Variants in TFIP11 observed in about 807,000 individuals in gnomAD.
TFIP11 encodes the protein tuftelin-interacting protein 11.
Under a neutral mutation model 96.8 loss-of-function variants are expected in TFIP11, and 86 were observed. The ratio of observed to expected loss-of-function variants is 0.89; its 90% CI spans 0.75 to 1.06. The LOEUF is 1.06. TFIP11 is among the 50% of genes least tolerant of loss of function. The probability of loss-of-function intolerance (pLI) is 0.00; values close to 1 mark genes in which losing one functional copy is unlikely to be tolerated. For missense variants in TFIP11, 881 were observed against 1,076.7 expected (o/e 0.82, Z 2.54); for synonymous variants, 405 against 395.2 (o/e 1.02, Z -0.29).
In TFIP11 at chr22:26,496,218, G is replaced by A. The variant is rs1212645585; in HGVS notation, c.1704C>T (p.Ser568=). ...CGCTGGACAGCTTACTACGGATGGG[G>A]GAATAGAGTGGCTCCAGCCGTGCCT... The part of the protein sequence containing the change: ...LMQARLEPLY[S]PIRSKLSSAL... The change falls in exon 12 of 15, where the codon TCC becomes TCT. Residue 568 remains serine (S), a synonymous_variant. Coordinates refer to ENST00000407690, the MANE Select transcript of TFIP11 (RefSeq NM_012143.4). The A allele has an allele frequency of 1.2e-6, 2 of 1,613,944 alleles. No homozygotes were observed. The highest frequency in any genetic ancestry group is 1.1e-5 in the South Asian group (1 of 91,048).
chr22:26,502,164 C>T, intron 7 of TFIP11, 112 bp from the exon 8 acceptor site: 2 of 1,365,140 alleles, frequency 1.5e-6, no homozygotes, highest in African/African-American at 1.4e-5. Flanking sequence ...GATTTATTTA[C>T]AAGCTCTATA....
Position 26,510,216 on chromosome 22 carries a change from GTCA to G in TFIP11, c.54_56del (p.Asp19del), listed in dbSNP as rs369744572. 1.9e-5 allele frequency: 31 copies of G among 1,613,606 alleles called. No individual in the cohort carries two copies. Among genetic ancestry groups the G allele is most frequent in the Admixed American group, 1.0e-4 (6 of 59,986 alleles). ...CAGTGATCTCAAAGTTCTCCCGCTC[GTCA>G]TCATCATCATCAATGCGGCCTTCCC... On this transcript the variant is annotated inframe_deletion, in exon 4 of 15. Coordinates refer to ENST00000407690, the MANE Select transcript of TFIP11 (RefSeq NM_012143.4).
At chr22:26,493,207 T>A (rs1921444217) in intron 14 of TFIP11, 1 of 152,180 alleles carries the variant, frequency 6.6e-6, no homozygotes, top group South Asian at 2.1e-4. Context: ...TTTGCATTTT[T>A]AGTAGAGACG....
chr22:26,494,233 C>G lies in TFIP11; in HGVS notation c.2064G>C (p.Ser688=). Residue 688 remains serine (S), a synonymous_variant, in exon 14 of 15, where the codon TCG becomes TCC. Transcript: ENST00000407690. Reference sequence around the variant, plus strand: ...GTGCCAGCACTTGGTCTGAGAACATCGACTTCCAACCCAGGTACCACTTGG... The same window carrying G: ...GTGCCAGCACTTGGTCTGAGAACATGGACTTCCAACCCAGGTACCACTTGG... ...EITKWYLGWK[S]MFSDQVLAHP... 1 of 1,614,220 alleles carries G rather than the reference C, an allele frequency of 6.2e-7. No homozygotes were observed. The highest frequency in any genetic ancestry group is 8.5e-7 in the Non-Finnish European group (1 of 1,180,042).
chr22:26,504,658 A>G (rs1457812984), intron 6 of TFIP11, among the ~76,000 whole-genome samples: 2 of 152,138 alleles, frequency 1.3e-5, no homozygotes, highest in Admixed American at 1.3e-4. Context: ...TAACAGAGTG[A>G]GACTTTGTAT....
Position 26,491,564 on chromosome 22 carries a change from A to T in TFIP11, c.*449T>A, listed in dbSNP as rs1921182339. The stretch of plus-strand genomic sequence containing the variant: ...ACTGGTTCCCTGTGCAAAAGCTAGA[A>T]CAGCTCTCCATAGATATTTGGGAGT... On this transcript the variant is annotated 3_prime_UTR_variant, in exon 15 of 15. Coordinates refer to ENST00000407690, the MANE Select transcript of TFIP11 (RefSeq NM_012143.4). 1.2e-6 allele frequency: 2 copies of T among 1,614,198 alleles called. No individual in the cohort carries two copies. The highest frequency in any genetic ancestry group is 1.7e-6 in the Non-Finnish European group (2 of 1,180,010).
At chr22:26,493,819 G>C (rs1921556504) in intron 14 of TFIP11, 1 of 308,132 alleles carries the variant, frequency 3.2e-6, no homozygotes, top group African/African-American at 2.2e-5. Context: ...AGCATGCTCA[G>C]GCATGAATGA....
In TFIP11 at chr22:26,499,163, C is replaced by A; in HGVS notation, c.1270G>T (p.Ala424Ser). Residue 424 changes from alanine to serine, a missense_variant, in exon 9 of 15, where the codon GCT (alanine) becomes TCT (serine). Coordinates refer to ENST00000407690, the MANE Select transcript of TFIP11 (RefSeq NM_012143.4). ...ATGAGTGGATAGACGATGGCCACAGCAAGGTCCACACGGTCGGACATCCTG... is the reference window on the plus strand; with the variant it reads ...ATGAGTGGATAGACGATGGCCACAGAAAGGTCCACACGGTCGGACATCCTG... ...EYRMSDRVDL[A>S]VAIVYPLMKE... 1 of 1,604,568 alleles carries A rather than the reference C, an allele frequency of 6.2e-7. No individual in the cohort carries two copies. The highest frequency in any genetic ancestry group is 8.5e-7 in the Non-Finnish European group (1 of 1,174,112).
In TFIP11 at chr22:26,492,065, T is replaced by A. The variant is rs1921262482; in HGVS notation, c.2462A>T (p.Glu821Val). 6.2e-7 allele frequency: 1 copy of A among 1,611,136 alleles called. No individual in the cohort carries two copies. The highest frequency in any genetic ancestry group is 2.2e-5 in the East Asian group (1 of 44,746). The change falls in exon 15 of 15, where the codon GAG becomes GTG. Residue 821 changes from glutamate to valine, a missense_variant. Transcript: ENST00000407690. ...IDRGVVFVQG[E>V]KTWVPTSLQS... ...CAGTGAGGTGGGCACCCACGTCTTC[T>A]CGCCCTGGACAAAGACCACTCCCCG...
intron 12 of TFIP11, 38 bp from the exon 13 acceptor site, chr22:26,494,977 T>G (rs554235946): frequency 6.2e-7 from 1 of 1,611,606 alleles, no homozygotes; most frequent in South Asian, 1.1e-5. Context: ...ACAGCTTTAG[T>G]ACTGGCAAAG....
intron 11 of TFIP11, 126 bp downstream of exon 11, chr22:26,496,595 T>C (rs1319939770): frequency 5.6e-6 from 7 of 1,257,978 alleles, no homozygotes; most frequent in East Asian, 4.7e-5. Flanking sequence ...ACACTATAGG[T>C]CAATAGTTGT....
intron 14 of TFIP11, 185 bp from the exon 15 acceptor site, chr22:26,492,553 C>G: frequency 1.7e-6 from 1 of 598,942 alleles, no homozygotes; most frequent in Non-Finnish European, 3.0e-6. Context: ...AAAAACTGTT[C>G]AGAAGGTTCC....
At chr22:26,505,202 T>C (rs1210416330) in intron 6 of TFIP11, among the ~76,000 whole-genome samples, 1 of 152,148 alleles carries the variant, frequency 6.6e-6, no homozygotes, top group Non-Finnish European at 1.5e-5. Flanking sequence ...AATGTTCCTG[T>C]AGGAAGAATC....
chr22:26,508,737 C>T (rs1360081497), intron 4 of TFIP11, among the ~76,000 whole-genome samples: 5 of 151,736 alleles, frequency 3.3e-5, no homozygotes, highest in South Asian at 2.1e-4. Context: ...CCCAGCTACT[C>T]GGGAGGCTGA....
intron 5 of TFIP11, 117 bp downstream of exon 5, chr22:26,506,658 A>G: frequency 1.4e-6 from 2 of 1,422,850 alleles, no homozygotes; most frequent in Admixed American, 1.9e-5. Context: ...ACCTGCCACC[A>G]AAAGGAGACA....
chr22:26,510,036 G>A (rs1345819079), intron 4 of TFIP11, 28 bp downstream of exon 4: 2 of 1,610,498 alleles, frequency 1.2e-6, no homozygotes, highest in Non-Finnish European at 1.7e-6. Context: ...CTAAAGCAAG[G>A]TGAAGCAGCC....
intron 11 of TFIP11, 126 bp from the exon 12 acceptor site, chr22:26,496,442 G>C: frequency 7.7e-7 from 1 of 1,305,788 alleles, no homozygotes; most frequent in Non-Finnish European, 1.0e-6. Context: ...ACAGTCCTTT[G>C]TACATTGCCA....
At position 26,491,401 on chromosome 22, in the gene TFIP11, C is replaced by T; in HGVS notation, c.*612G>A. 1 of 1,283,692 alleles carries T rather than the reference C, an allele frequency of 7.8e-7. No individual in the cohort carries two copies. Among genetic ancestry groups the T allele is most frequent in the East Asian group, 2.3e-5 (1 of 43,102 alleles). 79.5% of individuals were successfully genotyped at this position (1,283,692 alleles called of 1,614,324 possible). On this transcript the variant is annotated 3_prime_UTR_variant, in exon 15 of 15. Coordinates refer to ENST00000407690, the MANE Select transcript of TFIP11 (RefSeq NM_012143.4). Reference sequence around the variant, plus strand: ...GATGACAAGTAAAGTGGAAATTTATCCCAGAAGAGTGGGGATTACTGTGAC... The same window carrying T: ...GATGACAAGTAAAGTGGAAATTTATTCCAGAAGAGTGGGGATTACTGTGAC...
At chr22:26,501,697 G>A (rs569261065) in intron 8 of TFIP11, among the ~76,000 whole-genome samples, 1 of 142,614 alleles carries the variant, frequency 7.0e-6, no homozygotes, top group Admixed American at 7.1e-5. Context: ...AAATATGGGA[G>A]TGTAATGAAT....
Sources: allele counts gnomAD v4.1 joint callset (sites outside exome capture counted in the v4.1 genomes callset), GRCh38; gene constraint gnomAD v4.1.1; transcripts MANE v1.5; gene names NCBI Gene and HGNC (gene_info 2026-07-23, HGNC 2026-07-21).